The following CCND3 variants were observed in gnomAD, a reference collection of about 807,000 sequenced individuals.
The protein encoded by CCND3 is G1/S-specific cyclin-D3.
A neutral mutation model predicts 28.7 loss-of-function variants in CCND3; 9 were observed. The observed-to-expected ratio is 0.31, with a 90% CI of 0.19 to 0.55. CCND3 has a LOEUF of 0.55. Ranked by LOEUF, CCND3 falls within the 20% of genes least tolerant of loss-of-function variation. The pLI, the probability that CCND3 is intolerant of heterozygous loss-of-function variation, is 0.93. For synonymous variants in CCND3, 164 were observed against 163.9 expected (o/e 1.00, Z 0.00); for missense variants, 315 against 385.8 (o/e 0.82, Z 1.54).
Position 42,010,395 on chromosome 6 carries a change from T to C in CCND3, c.-46+38106A>G, listed in dbSNP as rs2127427103. ...AAGCTTTTGAATGAGGGGGAGGAAA[T>C]GGGATGTGGCTTCATGTGGCTGGGT... On this transcript the variant is annotated intron_variant, in intron 1 of 4. Transcript: ENST00000372988. Among the ~76,000 whole-genome samples the C allele has an allele frequency of 1.3e-5, 2 of 151,440 alleles. 1 individual carries two copies. The highest frequency in any genetic ancestry group is 4.2e-4 in the South Asian group (2 of 4,784).
chr6:41,988,756 T>C (rs1295307686), intron 1 of CCND3, among the ~76,000 whole-genome samples: 11 of 145,876 alleles, frequency 7.5e-5, no homozygotes, highest in African/African-American at 2.8e-4. Flanking sequence ...TGGAGTGCAG[T>C]GGCGCGATGT....
At chr6:41,950,331 T>C (rs923145029) in intron 1 of CCND3, among the ~76,000 whole-genome samples, 1 of 152,074 alleles carries the variant, frequency 6.6e-6, no homozygotes, top group Non-Finnish European at 1.5e-5. Flanking sequence ...GCATTCCTCA[T>C]TCTAGGCAGG....
chr6:42,031,739 A>C (rs1421745804), intron 1 of CCND3, among the ~76,000 whole-genome samples: 2 of 151,762 alleles, frequency 1.3e-5, no homozygotes, highest in African/African-American at 4.8e-5. Context: ...ATATATGTAC[A>C]ATTTTGCATC....
rs903620122 is a variant in CCND3, at chr6:42,028,583, C to G, written c.-46+19918G>C. Among the ~76,000 whole-genome samples, 7 of 152,344 alleles carry G rather than the reference C, an allele frequency of 4.6e-5. No homozygotes were observed. In the East Asian group the frequency reaches 1.4e-3, roughly 29 times the overall value. ...GGTGGCAAGGGAAGCAGCTGCCCTC[C>G]GCCAGCAGCCTCCCTGCCACTGAAG... On this transcript the variant is annotated intron_variant, in intron 1 of 4. Transcript: ENST00000372988.
intron 1 of CCND3, among the ~76,000 whole-genome samples, chr6:42,013,245 T>TTGG (rs753156884): frequency 3.9e-5 from 6 of 152,156 alleles, no homozygotes; most frequent in Admixed American, 6.5e-5. Flanking sequence ...TAAGGTAGAG[T>TTGG]TGGGCTTTTT....
intron 1 of CCND3, among the ~76,000 whole-genome samples, chr6:41,954,348 C>T (rs1371581017): frequency 7.1e-6 from 1 of 140,974 alleles, no homozygotes; most frequent in East Asian, 2.2e-4. Context: ...GTCAGGAGTT[C>T]AGACCAGCCT....
intron 1 of CCND3, among the ~76,000 whole-genome samples, chr6:42,020,599 C>T (rs1349361229): frequency 1.3e-5 from 2 of 152,210 alleles, no homozygotes; most frequent in Admixed American, 1.3e-4. Flanking sequence ...CCTCCAAACT[C>T]TACCAGTTAA....
chr6:41,990,679 T>TTTTTTTTTTTTG, intron 1 of CCND3, among the ~76,000 whole-genome samples: 1 of 142,488 alleles, frequency 7.0e-6, no homozygotes, highest in Non-Finnish European at 1.5e-5. Flanking sequence ...TTTTTTTTTT[T>TTTTTTTTTTTTG]TTTTTTTTTT....
In CCND3 at chr6:41,994,081, T is replaced by C. The variant is rs529458178; in HGVS notation, c.-45-53496A>G. 3.4e-5 allele frequency among the ~76,000 whole-genome samples: 5 copies of C among 149,034 alleles called. No individual in the cohort carries two copies. In the East Asian group the frequency reaches 9.9e-4, roughly 29 times the overall value. ...CCAAATACAGTCATATGCCACACAG[T>C]TTTCGGTCAACAATGGACTGCATAT... On this transcript the variant is annotated intron_variant, in intron 1 of 4. Transcript: ENST00000372988.
In CCND3 at chr6:42,012,352, G is replaced by A. The variant is rs186142566; in HGVS notation, c.-46+36149C>T. Among the ~76,000 whole-genome samples, 4 of 152,216 alleles carry A rather than the reference G, an allele frequency of 2.6e-5. No individual in the cohort carries two copies. The East Asian group carries it at 7.7e-4, about 29-fold the overall frequency. On this transcript the variant is annotated intron_variant, in intron 1 of 4. Transcript: ENST00000372988. The stretch of plus-strand genomic sequence containing the variant: ...ACCTGGGGTGGGATGGGGGCGGGGA[G>A]TGGAGGTTGCAGTGAGCCAAGATCA...
intron 1 of CCND3, among the ~76,000 whole-genome samples, chr6:42,044,874 C>T (rs978349273): frequency 2.0e-5 from 3 of 151,556 alleles, no homozygotes; most frequent in African/African-American, 4.9e-5. Context: ...CTGCAACCTC[C>T]GCCTCCCGGG....
In CCND3 at chr6:42,002,147, T is replaced by G. The variant is rs148657833; in HGVS notation, c.-46+46354A>C. Among the ~76,000 whole-genome samples the G allele has an allele frequency of 3.3e-5, 5 of 151,196 alleles. No individual in the cohort carries two copies. In the East Asian group the frequency reaches 9.8e-4, roughly 30 times the overall value. ...AAAAAAATTCATAGAACTGTAGACT[T>G]AAGATCTGTGTATTTTGGCCAGGCA... is the stretch of plus-strand genomic sequence containing the variant. On this transcript the variant is annotated intron_variant, in intron 1 of 4. Coordinates refer to the CCND3 transcript ENST00000372988.
intron 1 of CCND3, among the ~76,000 whole-genome samples, chr6:41,978,930 C>T (rs1762254047): frequency 6.6e-6 from 1 of 152,110 alleles, no homozygotes; most frequent in Non-Finnish European, 1.5e-5. Flanking sequence ...TTAATCCCAG[C>T]ACTTTGGGAG....
chr6:42,020,562 C>T (rs779095318), intron 1 of CCND3, among the ~76,000 whole-genome samples: 15 of 152,170 alleles, frequency 9.9e-5, no homozygotes, highest in Non-Finnish European at 1.8e-4. Flanking sequence ...TCATGGCTCC[C>T]ACCCTGCCCT....
Position 42,024,204 on chromosome 6 carries a change from C to A in CCND3, c.-46+24297G>T, listed in dbSNP as rs372622943. On this transcript the variant is annotated intron_variant, in intron 1 of 4. Transcript: ENST00000372988. ...GGATCACGAGGTCAGGAGATGGAGA[C>A]CATCCTGGCTAACATGGTGAAATCC... 6.2e-3 allele frequency among the ~76,000 whole-genome samples: 940 copies of A among 151,960 alleles called. 16 individuals carry two copies. In the South Asian group the frequency reaches 0.074, roughly 12 times the overall value.
intron 1 of CCND3, among the ~76,000 whole-genome samples, chr6:42,000,479 C>T (rs1284338918): frequency 1.3e-5 from 2 of 150,710 alleles, no homozygotes; most frequent in Non-Finnish European, 3.0e-5. Context: ...CCGCCTGCCT[C>T]GGCCTCCCAA....
intron 1 of CCND3, among the ~76,000 whole-genome samples, chr6:41,987,519 G>C (rs6919323): frequency 7.3e-4 from 46 of 63,362 alleles, no homozygotes; most frequent in African/African-American, 4.1e-3. Context: ...CTCTCTCTCT[G>C]TGTGTGTGTG....
chr6:41,957,234 A>G (rs1223070401), intron 1 of CCND3, among the ~76,000 whole-genome samples: 2 of 152,216 alleles, frequency 1.3e-5, no homozygotes, highest in African/African-American at 4.8e-5. Flanking sequence ...CAATGGCCCA[A>G]GGCCATCTGA....
At chr6:41,960,731 T>C (rs1417177093) in intron 1 of CCND3, among the ~76,000 whole-genome samples, 1 of 152,174 alleles carries the variant, frequency 6.6e-6, no homozygotes, top group Non-Finnish European at 1.5e-5. Flanking sequence ...GAGGGATGGA[T>C]GGTGTAAGCT....
Sources: allele counts gnomAD v4.1 joint callset (sites outside exome capture counted in the v4.1 genomes callset), GRCh38; gene constraint gnomAD v4.1.1; transcripts MANE v1.5; gene names NCBI Gene and HGNC (gene_info 2026-07-23, HGNC 2026-07-21).